The following CNTNAP5 variants were observed in gnomAD, a reference collection of about 807,000 sequenced individuals.
CNTNAP5 encodes the protein contactin associated protein family member 5.
Under a neutral mutation model 150.2 loss-of-function variants are expected in CNTNAP5, and 72 were observed. The ratio of observed to expected loss-of-function variants is 0.48; its 90% CI spans 0.40 to 0.58. The LOEUF (loss-of-function observed/expected upper bound fraction) is 0.58, where lower values mean the gene tolerates loss of function less well. CNTNAP5 is among the 20% of genes least tolerant of loss of function. The pLI, the probability that CNTNAP5 is intolerant of heterozygous loss-of-function variation, is 0.00. For missense variants in CNTNAP5, 1,636 were observed against 1,626.2 expected, an observed-to-expected ratio of 1.01 and a Z score of -0.10; for synonymous variants, 672 against 619.8, an observed-to-expected ratio of 1.08 and a Z score of -1.25.
intron 3 of CNTNAP5, among the ~76,000 whole-genome samples, chr2:124,407,924 G>T (rs925888317): frequency 1.3e-5 from 2 of 152,158 alleles, no homozygotes; most frequent in African/African-American, 4.8e-5. Context: ...AGCTCCCAGC[G>T]TGAGCGACGC....
chr2:124,883,932 C>CTA (rs1363107179), intron 21 of CNTNAP5, among the ~76,000 whole-genome samples: 1 of 151,754 alleles, frequency 6.6e-6, no homozygotes, highest in Non-Finnish European at 1.5e-5. Flanking sequence ...AAATGTATGT[C>CTA]TGTGCTTGCA....
At chr2:124,065,571 GATA>G (rs1483188791) in intron 1 of CNTNAP5, among the ~76,000 whole-genome samples, 1 of 152,154 alleles carries the variant, frequency 6.6e-6, no homozygotes, top group Non-Finnish European at 1.5e-5. Flanking sequence ...ACTTGAAACT[GATA>G]ATAATTCGTT....
intron 1 of CNTNAP5, among the ~76,000 whole-genome samples, chr2:124,029,026 A>G (rs1680970306): frequency 6.6e-6 from 1 of 152,184 alleles, no homozygotes. Flanking sequence ...AAGTTGTGCG[A>G]TTATAAAGAG....
intron 21 of CNTNAP5, among the ~76,000 whole-genome samples, chr2:124,871,757 T>C (rs1677753465): frequency 6.6e-6 from 1 of 152,118 alleles, no homozygotes; most frequent in African/African-American, 2.4e-5. Flanking sequence ...TGTTTTGCAG[T>C]TTTGTCATCA....
intron 19 of CNTNAP5, among the ~76,000 whole-genome samples, chr2:124,831,227 C>T (rs1392444718): frequency 6.6e-6 from 1 of 151,900 alleles, no homozygotes; most frequent in Non-Finnish European, 1.5e-5. Context: ...GACATGCTTG[C>T]ACTTTCTGGT....
chr2:124,768,626 G>A (rs962089396), intron 16 of CNTNAP5, among the ~76,000 whole-genome samples: 6 of 152,010 alleles, frequency 3.9e-5, no homozygotes, highest in Non-Finnish European at 8.8e-5. Flanking sequence ...CACAGTGCAC[G>A]GGTAGGCAGG....
intron 12 of CNTNAP5, among the ~76,000 whole-genome samples, chr2:124,637,217 C>T (rs545591204): frequency 2.4e-4 from 37 of 152,236 alleles, no homozygotes; most frequent in South Asian, 4.2e-4. Flanking sequence ...TTGATTGCCA[C>T]GACCCTTCAA....
At chr2:124,299,005 A>G (rs1465144740) in intron 3 of CNTNAP5, among the ~76,000 whole-genome samples, 1 of 152,216 alleles carries the variant, frequency 6.6e-6, no homozygotes, top group East Asian at 1.9e-4. Context: ...TCACACAGCC[A>G]TGAAAAATAA....
intron 3 of CNTNAP5, among the ~76,000 whole-genome samples, chr2:124,257,358 C>T (rs1021351181): frequency 2.0e-5 from 3 of 152,342 alleles, no homozygotes; most frequent in African/African-American, 7.2e-5. Context: ...GCAGCCTGCA[C>T]ACAATAATTT....
intron 14 of CNTNAP5, among the ~76,000 whole-genome samples, chr2:124,751,240 G>A (rs528761807): frequency 6.6e-6 from 1 of 151,852 alleles, no homozygotes; most frequent in East Asian, 2.0e-4. Flanking sequence ...GGGAACATCT[G>A]TGTGCAGTGG....
chr2:124,471,455 A>C (rs1347053405), intron 6 of CNTNAP5, among the ~76,000 whole-genome samples: 1 of 152,122 alleles, frequency 6.6e-6, no homozygotes, highest in Non-Finnish European at 1.5e-5. Context: ...TCAGCTAATA[A>C]GCTTTTGGGC....
intron 1 of CNTNAP5, among the ~76,000 whole-genome samples, chr2:124,028,496 A>G (rs771967861): frequency 6.6e-6 from 1 of 152,162 alleles, no homozygotes; most frequent in Non-Finnish European, 1.5e-5. Flanking sequence ...GAATCTGTGC[A>G]GAGAACATAA....
chr2:124,317,908 A>G (rs1689007964), intron 3 of CNTNAP5, among the ~76,000 whole-genome samples: 1 of 152,216 alleles, frequency 6.6e-6, no homozygotes, highest in Non-Finnish European at 1.5e-5. Context: ...AGTATGCTAG[A>G]CACAGATAAG....
At chr2:124,769,459 G>C (rs1681143642) in intron 16 of CNTNAP5, among the ~76,000 whole-genome samples, 2 of 151,952 alleles carry the variant, frequency 1.3e-5, no homozygotes, top group African/African-American at 2.4e-5. Context: ...GTGAGAGAAG[G>C]CATTCGTCAG....
At chr2:124,111,145 C>A (rs1482954904) in intron 1 of CNTNAP5, among the ~76,000 whole-genome samples, 2 of 152,006 alleles carry the variant, frequency 1.3e-5, no homozygotes, top group Non-Finnish European at 2.9e-5. Context: ...GGCTGGAAGA[C>A]AATCAAAAAA....
chr2:124,808,953 T>C (rs995409532), intron 19 of CNTNAP5, among the ~76,000 whole-genome samples: 24 of 151,908 alleles, frequency 1.6e-4, no homozygotes, highest in African/African-American at 5.6e-4. Flanking sequence ...TTTGTGGCCC[T>C]GTTCCCAGAG....
intron 19 of CNTNAP5, among the ~76,000 whole-genome samples, chr2:124,863,446 C>CA (rs1202239822): frequency 1.3e-5 from 2 of 152,072 alleles, no homozygotes; most frequent in Admixed American, 6.6e-5. Flanking sequence ...AGTAAAATAA[C>CA]AAAAATAATA....
Position 124,706,937 on chromosome 2 carries a change from A to G in CNTNAP5, c.2078-40292A>G, listed in dbSNP as rs1304835799. On this transcript the variant is annotated intron_variant, in intron 13 of 23. Transcript: ENST00000682447. ...GGAGGAGAAGAAGAAGAAGAAGAAG[A>G]AGAAGGAGGAGGAGGAGGAGGAGGA... is the stretch of plus-strand genomic sequence containing the variant. Among the ~76,000 whole-genome samples the G allele has an allele frequency of 7.5e-4, 76 of 101,014 alleles. 1 individual carries two copies. Among genetic ancestry groups the G allele is most frequent in the East Asian group, 4.9e-3 (14 of 2,864 alleles). The allele number at this position is 101,014 out of a possible 152,430, so 66.3% of individuals were successfully genotyped here.
In CNTNAP5 at chr2:124,340,809, G is replaced by GTGTA. The variant is rs1553459695; in HGVS notation, c.382-76633_382-76632insGTAT. Among the ~76,000 whole-genome samples the GTGTA allele has an allele frequency of 4.2e-5, 6 of 142,966 alleles. No homozygotes were observed. In the East Asian group the frequency reaches 6.3e-4, roughly 15 times the overall value. The allele number at this position is 142,966 out of a possible 152,430, so 93.8% of individuals were successfully genotyped here. A position where few individuals can be genotyped will look rare whatever the true frequency, so the allele number is the denominator to read the frequency against. Reference sequence around the variant, plus strand: ...CACATACATATATATATGTATACATGTATATATATATATATATATGCGTGT... The same window carrying GTGTA: ...CACATACATATATATATGTATACATGTGTATATATATATATATATATATGCGTGT... On this transcript the variant is annotated intron_variant, in intron 3 of 23. Transcript: ENST00000682447.
Sources: gnomAD v4.1 joint callset for allele counts (sites outside exome capture counted in the v4.1 genomes callset) on GRCh38, gnomAD v4.1.1 for gene constraint, MANE v1.5 for transcripts, NCBI Gene and HGNC (gene_info 2026-07-23, HGNC 2026-07-21) for gene names.